COL5A2: variants seen among roughly 807,000 people sequenced by gnomAD.
COL5A2 encodes the protein collagen alpha-2(V) chain.
COL5A2 carries 23 observed loss-of-function variants against 208.2 expected under a neutral mutation model. The observed-to-expected ratio is 0.11, with a 90% confidence interval of 0.08 to 0.16. COL5A2 has a LOEUF of 0.16. COL5A2 is among the 10% of genes least tolerant of loss of function. The pLI is 1.00. For missense variants in COL5A2, 1,590 were observed against 1,956.4 expected, an observed-to-expected ratio of 0.81 and a Z score of 3.53; for synonymous variants, 625 against 628.5, an observed-to-expected ratio of 0.99 and a Z score of 0.08.
rs1298604846 is a variant in COL5A2 at position 189,104,461 on chromosome 2, G to C, written c.323-184C>G. ...AATACTTCCATAAAAGGCAAAAAAT[G>C]CATCTTTTTGGAAAATTCTAACATG... On this transcript the variant is annotated intron_variant, in intron 2 of 53. Transcript: ENST00000374866. 2.0e-5 allele frequency among the ~76,000 whole-genome samples: 3 copies of C among 151,828 alleles called. No individual in the cohort carries two copies. In the East Asian group the frequency reaches 5.8e-4, roughly 29 times the overall value.
chr2:189,096,491 G>A (rs900737089), intron 6 of COL5A2, among the ~76,000 whole-genome samples: 11 of 151,614 alleles, frequency 7.3e-5, no homozygotes, highest in East Asian at 1.9e-4. Flanking sequence ...GCATGGTGGC[G>A]GGCAACTGTA....
the COL5A2 span, among the ~76,000 whole-genome samples, chr2:189,325,892 T>A: frequency 6.6e-6 from 1 of 152,046 alleles, no homozygotes; most frequent in South Asian, 2.1e-4. Flanking sequence ...AGGTCAGGAA[T>A]TCGACACCAG....
the COL5A2 span, among the ~76,000 whole-genome samples, chr2:189,406,395 G>T: frequency 6.6e-6 from 1 of 152,030 alleles, no homozygotes; most frequent in Admixed American, 6.6e-5. Flanking sequence ...ACTAAAAGTT[G>T]GCTTATGTTT....
chr2:189,096,629 A>AAG (rs1559102356), intron 6 of COL5A2, among the ~76,000 whole-genome samples: 2 of 151,618 alleles, frequency 1.3e-5, no homozygotes, highest in East Asian at 3.9e-4. Flanking sequence ...CTCAAAAAAA[A>AAG]AAAAAAAAAG....
At chr2:189,195,708 A>C (rs184583888) in intron 1 of COL5A2, among the ~76,000 whole-genome samples, 6 of 152,258 alleles carry the variant, frequency 3.9e-5, no homozygotes. Flanking sequence ...AAAACAAGCA[A>C]TGGGGGAAGG....
In COL5A2 at chr2:189,051,302, C is replaced by G; in HGVS notation, c.2931+18G>C. ...TATCTCAGTTGAAGGTGGTCTGGAA[C>G]GGATACGCCAAACTTACAGGTTGCC... On this transcript the variant is annotated intron_variant, in intron 42 of 53. Coordinates refer to ENST00000374866, the MANE Select transcript of COL5A2 (RefSeq NM_000393.5). 1 of 1,613,944 alleles carries G rather than the reference C, an allele frequency of 6.2e-7. No homozygotes were observed. The highest frequency in any genetic ancestry group is 2.2e-5 in the East Asian group (1 of 44,848).
At chr2:189,172,968 C>CTTT (rs11286911) in intron 1 of COL5A2, among the ~76,000 whole-genome samples, 95 of 96,478 alleles carry the variant, frequency 9.8e-4, no homozygotes, top group African/African-American at 1.5e-3. Flanking sequence ...TTTTCCTCTT[C>CTTT]TTTTTTTTTT....
chr2:189,366,787 T>C, the COL5A2 span, among the ~76,000 whole-genome samples: 1 of 152,238 alleles, frequency 6.6e-6, no homozygotes, highest in Non-Finnish European at 1.5e-5. Context: ...GTTAGCTACA[T>C]GCAGGGAATC....
chr2:189,080,964 A>T (rs775551781), intron 13 of COL5A2, 26 bp downstream of exon 13: 2 of 1,597,872 alleles, frequency 1.3e-6, no homozygotes, highest in Admixed American at 3.3e-5. Flanking sequence ...ACAGTATCTG[A>T]GAGGATTACA....
intron 1 of COL5A2, among the ~76,000 whole-genome samples, chr2:189,219,861 T>C: frequency 1.3e-5 from 1 of 77,248 alleles, no homozygotes; most frequent in East Asian, 4.2e-4. Flanking sequence ...ACATGACCTG[T>C]GCAGATAGAG....
At position 189,157,124 on chromosome 2, in the gene COL5A2, C is replaced by CTATA. The variant is rs112157584; in HGVS notation, c.97+22383_97+22384insTATA. On this transcript the variant is annotated intron_variant, in intron 1 of 53. Coordinates refer to ENST00000374866, the MANE Select transcript of COL5A2 (RefSeq NM_000393.5). Reference sequence around the variant, plus strand: ...CTGTGAGATAGATATATCGATATATCTATCTATATATATATCTATATATCT... The same window carrying CTATA: ...CTGTGAGATAGATATATCGATATATCTATATATCTATATATATATCTATATATCT... 8.1e-5 allele frequency among the ~76,000 whole-genome samples: 7 copies of CTATA among 85,896 alleles called. No homozygotes were observed. The East Asian group carries it at 2.2e-3, about 27-fold the overall frequency. 56.4% of individuals were successfully genotyped at this position (85,896 alleles called of 152,430 possible).
chr2:189,156,405 T>C (rs902047751), intron 1 of COL5A2, among the ~76,000 whole-genome samples: 2 of 152,158 alleles, frequency 1.3e-5, no homozygotes, highest in African/African-American at 4.8e-5. Flanking sequence ...ATTTTAAAAA[T>C]ATAAAAATTA....
chr2:189,089,886 C>T (rs1222292320), intron 7 of COL5A2, among the ~76,000 whole-genome samples: 1 of 152,154 alleles, frequency 6.6e-6, no homozygotes, highest in Non-Finnish European at 1.5e-5. Flanking sequence ...TGTTCCCCAT[C>T]TCTCTTCCTC....
At chr2:189,333,658 A>G in the COL5A2 span, among the ~76,000 whole-genome samples, 3 of 152,076 alleles carry the variant, frequency 2.0e-5, no homozygotes, top group Non-Finnish European at 2.9e-5. Context: ...GTTGGGCCCT[A>G]ACCTAATATG....
the COL5A2 span, among the ~76,000 whole-genome samples, chr2:189,319,318 G>A: frequency 6.6e-6 from 1 of 152,234 alleles, no homozygotes; most frequent in African/African-American, 2.4e-5. Context: ...GACAGTAGGT[G>A]CAGGACACTG....
chr2:189,349,682 T>G, the COL5A2 span, among the ~76,000 whole-genome samples: 1 of 152,206 alleles, frequency 6.6e-6, no homozygotes, highest in East Asian at 1.9e-4. Context: ...TAGGTTTAGC[T>G]TATGTTGTTT....
chr2:189,399,272 A>G, the COL5A2 span, among the ~76,000 whole-genome samples: 1 of 136,764 alleles, frequency 7.3e-6, no homozygotes, highest in Non-Finnish European at 1.5e-5. Flanking sequence ...TTTTTTTGAG[A>G]TGGAATCTTG....
At chr2:189,182,440 T>C (rs1323147447), upstream of COL5A2, among the ~76,000 whole-genome samples, 1 of 152,150 alleles carries the variant, frequency 6.6e-6, no homozygotes, top group Non-Finnish European at 1.5e-5. Context: ...TCCACTTCAG[T>C]GATGTCTGAC....
chr2:189,367,107 G>A, the COL5A2 span, among the ~76,000 whole-genome samples: 3 of 152,116 alleles, frequency 2.0e-5, no homozygotes, highest in Non-Finnish European at 4.4e-5. Flanking sequence ...AGAAAACTAC[G>A]TAAGACTATA....
Sources: allele counts gnomAD v4.1 joint callset (sites outside exome capture counted in the v4.1 genomes callset), GRCh38; gene constraint gnomAD v4.1.1; transcripts MANE v1.5; gene names NCBI Gene and HGNC (gene_info 2026-07-23, HGNC 2026-07-21).